The following SATB2 variants were observed in gnomAD, a reference collection of about 807,000 sequenced individuals.
The protein encoded by SATB2 is SATB homeobox 2, also known as DNA-binding protein SATB2.
SATB2 carries 1 observed loss-of-function variant against 73.4 expected under a neutral mutation model. That is an observed-to-expected ratio of 0.01 (90% CI 0.00 to 0.06). The LOEUF (loss-of-function observed/expected upper bound fraction) is 0.06. SATB2 is among the 10% of genes least tolerant of loss of function. The pLI is 1.00. For synonymous variants in SATB2, 397 were observed against 367.0 expected (o/e 1.08, Z -0.93); for missense variants, 459 against 945.8 (o/e 0.49, Z 6.75).
chr2:199,328,745 T>A lies in SATB2; in HGVS notation c.1339A>T (p.Met447Leu). Reference protein sequence around the residue: ...RERSMNPNVSMVSSASSSPSS... With the variant: ...RERSMNPNVSLVSSASSSPSS... ...GGACTGCTGGAGGCCGAGGAGACCA[T>A]GCTCACATTGGGATTCATGCTCCGC... The change falls in exon 8 of 11, where the codon ATG (methionine) becomes TTG (leucine). Residue 447 changes from methionine to leucine, a missense_variant. By Grantham distance (15) the Met-to-Leu change is conservative. Around this residue, in one of 13 missense-constraint regions of SATB2, gnomAD observed 53 missense variants for 70.5 expected, o/e 0.75. Coordinates refer to ENST00000417098, the MANE Select transcript of SATB2 (RefSeq NM_001172509.2). 6.2e-7 allele frequency: 1 copy of A among 1,613,780 alleles called. No individual in the cohort carries two copies. Among genetic ancestry groups the A allele is most frequent in the Non-Finnish European group, 8.5e-7 (1 of 1,179,932 alleles).
upstream of SATB2, chr2:199,459,530 A>G (rs1692414150): frequency 6.6e-6 from 1 of 152,488 alleles, no homozygotes; most frequent in Admixed American, 6.5e-5. This position sits in a 1 kb window ranked among gnomAD's most constrained non-coding sequence, Gnocchi z 4.2. Context: ...CTAGGACCTT[A>G]GGCGAGAAAA....
chr2:199,334,561 T>C (rs796669688), intron 7 of SATB2, among the ~76,000 whole-genome samples: 2 of 151,042 alleles, frequency 1.3e-5, no homozygotes, highest in African/African-American at 4.9e-5. Context: ...TCCCTTGAAA[T>C]GTCAAAAAAA....
chr2:199,370,766 T>C (rs755378353), intron 5 of SATB2, among the ~76,000 whole-genome samples: 9 of 152,124 alleles, frequency 5.9e-5, no homozygotes, highest in East Asian at 1.9e-4. Context: ...AGGAAATGAA[T>C]ATCTGGGCTC....
chr2:199,429,146 T>C (rs777116188), intron 3 of SATB2, among the ~76,000 whole-genome samples: 3 of 152,176 alleles, frequency 2.0e-5, no homozygotes, highest in Admixed American at 2.0e-4. Flanking sequence ...TACATCTGTA[T>C]CATGTATAAA....
chr2:199,340,013 T>C (rs1003290148), intron 7 of SATB2, among the ~76,000 whole-genome samples: 3 of 152,190 alleles, frequency 2.0e-5, no homozygotes, highest in African/African-American at 7.2e-5. Flanking sequence ...GAATATACTA[T>C]AAACACTGTG....
At chr2:199,371,938 G>A (rs1005938722) in intron 5 of SATB2, among the ~76,000 whole-genome samples, 2 of 152,032 alleles carry the variant, frequency 1.3e-5, no homozygotes, top group Non-Finnish European at 2.9e-5. Flanking sequence ...CGCTTTGCAT[G>A]GTGGTGGGCT....
At chr2:199,281,496 A>ACACACAT (rs1559140431) in intron 10 of SATB2, among the ~76,000 whole-genome samples, 1 of 51,858 alleles carries the variant, frequency 1.9e-5, no homozygotes, top group Non-Finnish European at 5.0e-5. Flanking sequence ...CACACACACA[A>ACACACAT]TTTTTTTTTA....
At chr2:199,380,668 G>A (rs908056603) in intron 4 of SATB2, among the ~76,000 whole-genome samples, 181 bp from the exon 5 acceptor site, 11 of 152,172 alleles carry the variant, frequency 7.2e-5, no homozygotes, top group African/African-American at 2.7e-4. Context: ...GAGGGCCCAA[G>A]GGGTCTCTTT....
intron 10 of SATB2, among the ~76,000 whole-genome samples, chr2:199,276,627 T>C (rs1212516628): frequency 6.6e-6 from 1 of 152,220 alleles, no homozygotes; most frequent in Admixed American, 6.5e-5. Context: ...AATAAAATTC[T>C]CTTTCCAAAC....
chr2:199,301,288 A>G (rs1457490538), intron 10 of SATB2, among the ~76,000 whole-genome samples: 1 of 152,070 alleles, frequency 6.6e-6, no homozygotes, highest in East Asian at 1.9e-4. Context: ...AAGAAGTCAT[A>G]TGAATCTCTC....
chr2:199,435,597 G>C (rs373103043), intron 2 of SATB2, among the ~76,000 whole-genome samples: 70 of 152,202 alleles, frequency 4.6e-4, no homozygotes, highest in African/African-American at 1.5e-3. Flanking sequence ...ACCTGCCTTG[G>C]CCTCCCAAAG....
chr2:199,450,120 A>G (rs1692081089), intron 2 of SATB2, among the ~76,000 whole-genome samples: 1 of 152,106 alleles, frequency 6.6e-6, no homozygotes, highest in Admixed American at 6.6e-5. Flanking sequence ...AAAGCTTCTG[A>G]AAAGAGACTT....
upstream of SATB2, among the ~76,000 whole-genome samples, chr2:199,466,348 C>T (rs1692593017): frequency 6.6e-6 from 1 of 152,138 alleles, no homozygotes; most frequent in Non-Finnish European, 1.5e-5. Context: ...TTTCTGCTTT[C>T]CCAGAGGATC....
chr2:199,458,957 A>G (rs1692392863), upstream of SATB2, among the ~76,000 whole-genome samples: 1 of 152,034 alleles, frequency 6.6e-6, no homozygotes. Context: ...GAATGCCAGG[A>G]GCACGGCCAC....
At chr2:199,303,992 T>C (rs566051767) in intron 10 of SATB2, among the ~76,000 whole-genome samples, 1 of 152,306 alleles carries the variant, frequency 6.6e-6, no homozygotes, top group Non-Finnish European at 1.5e-5. Context: ...AGGAACAATT[T>C]GGCAAGTGCT....
At chr2:199,326,159 G>A (rs1355307973) in intron 8 of SATB2, 6 of 152,066 alleles carry the variant, frequency 3.9e-5, no homozygotes, top group Non-Finnish European at 8.8e-5. Flanking sequence ...GATCTTTACT[G>A]TTGAGATATG....
At chr2:199,311,545 C>T (rs1407467259) in intron 9 of SATB2, among the ~76,000 whole-genome samples, 1 of 152,078 alleles carries the variant, frequency 6.6e-6, no homozygotes. Context: ...AGCACAAAAT[C>T]GGAAGGTGAT....
At chr2:199,355,230 G>A (rs949205668) in intron 6 of SATB2, among the ~76,000 whole-genome samples, 7 of 148,900 alleles carry the variant, frequency 4.7e-5, no homozygotes, top group Admixed American at 3.4e-4. Context: ...GTATATATGT[G>A]TATATATACA....
At chr2:199,434,617 T>G (rs369814352) in intron 2 of SATB2, among the ~76,000 whole-genome samples, 2 of 152,138 alleles carry the variant, frequency 1.3e-5, no homozygotes, top group African/African-American at 4.8e-5. Flanking sequence ...TTAAAACTTA[T>G]GAAGACTGGG....
Sources: gnomAD v4.1 joint callset for allele counts (sites outside exome capture counted in the v4.1 genomes callset) on GRCh38, gnomAD v4.1.1 for gene constraint, gnomAD v4.1.1 regional missense constraint, Gnocchi (gnomAD v3.1) non-coding constraint, MANE v1.5 for transcripts, NCBI Gene and HGNC (gene_info 2026-07-23, HGNC 2026-07-21) for gene names.